Variants in IGBP1 observed in about 807,000 individuals in gnomAD.
IGBP1 encodes the protein immunoglobulin-binding protein 1.
IGBP1 carries 2 observed loss-of-function variants against 25.9 expected under a neutral mutation model. The observed-to-expected ratio is 0.08, with a 90% CI of 0.03 to 0.24. The LOEUF is 0.24. Ranked by LOEUF, IGBP1 falls within the 10% of genes least tolerant of loss-of-function variation. The pLI, the probability that IGBP1 is intolerant of heterozygous loss-of-function variation, is 1.00. For missense variants in IGBP1, 187 were observed against 260.4 expected (o/e 0.72, Z 1.94); for synonymous variants, 96 against 93.4 (o/e 1.03, Z -0.16).
chrX:70,166,128 A>G lies in IGBP1; in HGVS notation c.*147A>G. On this transcript the variant is annotated 3_prime_UTR_variant, in exon 7 of 7. Coordinates refer to ENST00000356413, the MANE Select transcript of IGBP1 (RefSeq NM_001551.3). ...TTGCTTTGCATTCAGTAAAGTGTCA[A>G]GTGATTAAGTGTGTATTTGTACCCT... 3 of 515,367 alleles carry G rather than the reference A, an allele frequency of 5.8e-6. No individual in the cohort carries two copies. The highest frequency in any genetic ancestry group is 9.8e-6 in the Non-Finnish European group (3 of 307,151). The allele number at this position is 515,367 out of a possible 1,213,427, so 42.5% of individuals were successfully genotyped here. A position where few individuals can be genotyped will look rare whatever the true frequency, so the allele number is the denominator to read the frequency against.
Position 70,134,082 on chromosome X carries a change from C to T in IGBP1, c.135C>T (p.Gly45=), listed in dbSNP as rs746824740. ...TAGTCCAGGAGAAGGTGTTCAAGGGCTTGGACCTCCTTGAGAAGGCTGCCG... is the reference window on the plus strand; with the variant it reads ...TAGTCCAGGAGAAGGTGTTCAAGGGTTTGGACCTCCTTGAGAAGGCTGCCG... ...SRIVQEKVFK[G]LDLLEKAAEM... The change falls in exon 2 of 7, where the codon GGC becomes GGT. Residue 45 remains glycine (G), a synonymous_variant. Coordinates refer to ENST00000356413, the MANE Select transcript of IGBP1 (RefSeq NM_001551.3). 3 of 1,211,484 alleles carry T rather than the reference C, an allele frequency of 2.5e-6. No homozygotes were observed. Among genetic ancestry groups the T allele is most frequent in the Non-Finnish European group, 3.4e-6 (3 of 895,048 alleles).
At chrX:70,140,530 G>A (rs2085123056) in intron 3 of IGBP1, among the ~76,000 whole-genome samples, 1 of 112,375 alleles carries the variant, frequency 8.9e-6, no homozygotes, top group Non-Finnish European at 1.9e-5. Flanking sequence ...ATAGCTATCA[G>A]AGATACTACT....
intron 3 of IGBP1, among the ~76,000 whole-genome samples, chrX:70,140,285 T>C (rs186128276): frequency 5.1e-4 from 57 of 111,819 alleles, no homozygotes; most frequent in African/African-American, 1.7e-3. Context: ...TGCTTATTAT[T>C]GACAAGCAGG....
At chrX:70,150,371 C>G (rs1398189931) in intron 6 of IGBP1, 49 bp downstream of exon 6, 1 of 788,290 alleles carries the variant, frequency 1.3e-6, no homozygotes, top group East Asian at 3.2e-5. Flanking sequence ...CTTTTACTCC[C>G]TGGCAATTAA....
intron 3 of IGBP1, among the ~76,000 whole-genome samples, chrX:70,137,198 A>G (rs1475087103): frequency 1.8e-5 from 2 of 111,263 alleles, no homozygotes. Flanking sequence ...CTGGTGATCA[A>G]TTGGTTGTGG....
chrX:70,148,174 T>A (rs755764223), intron 4 of IGBP1, among the ~76,000 whole-genome samples: 2 of 112,284 alleles, frequency 1.8e-5, no homozygotes, highest in East Asian at 5.6e-4. Flanking sequence ...TAGAACTAAG[T>A]GAGCACCTTT....
At position 70,133,876 on chromosome X, in the gene IGBP1, C is replaced by T; in HGVS notation, c.-72C>T. ...TGCTTCTTCCGGTTTTGTCCGCGCT[C>T]GCCTAATTCTTCTTTATCAAGGTTG... On this transcript the variant is annotated 5_prime_UTR_variant, in exon 2 of 7. Coordinates refer to ENST00000356413, the MANE Select transcript of IGBP1 (RefSeq NM_001551.3). 2.0e-6 allele frequency: 2 copies of T among 985,451 alleles called. No individual in the cohort carries two copies. The highest frequency in any genetic ancestry group is 2.8e-6 in the Non-Finnish European group (2 of 704,852). 81.2% of individuals were successfully genotyped at this position (985,451 alleles called of 1,213,427 possible). A position where few individuals can be genotyped will look rare whatever the true frequency, so the allele number is the denominator to read the frequency against.
chrX:70,155,449 C>G (rs1195701174), intron 6 of IGBP1, among the ~76,000 whole-genome samples: 2 of 99,295 alleles, frequency 2.0e-5, no homozygotes, highest in Non-Finnish European at 2.0e-5. Context: ...GAGCCGAGAC[C>G]ACACCACTGC....
intron 6 of IGBP1, chrX:70,164,094 C>T (rs935723558): frequency 5.4e-5 from 6 of 110,680 alleles, no homozygotes; most frequent in African/African-American, 2.0e-4. Flanking sequence ...CAAAAATTAG[C>T]TGAGTGTGGT....
intron 3 of IGBP1, among the ~76,000 whole-genome samples, chrX:70,144,785 G>T (rs758562417): frequency 2.0e-4 from 21 of 103,746 alleles, no homozygotes; most frequent in Non-Finnish European, 3.9e-4. Flanking sequence ...TCAGCCTCCT[G>T]AGTAGCTGGA....
At chrX:70,153,397 G>A (rs2085215497) in intron 6 of IGBP1, among the ~76,000 whole-genome samples, 1 of 111,904 alleles carries the variant, frequency 8.9e-6, no homozygotes, top group Non-Finnish European at 1.9e-5. Flanking sequence ...AATTATGTGG[G>A]TAAATACAAA....
rs762954223 is a variant in IGBP1, at chrX:70,154,714, C to CAAAAAAAAAAAAAAAAAAAA, written c.871+4395_871+4414dup. ...AGCAACATGGTAAGACCCCTCTCCA[C>CAAAAAAAAAAAAAAAAAAAA]AAAAAAAAAAAAAAAAAAAAAAGTT... is the stretch of plus-strand genomic sequence containing the variant. On this transcript the variant is annotated intron_variant, in intron 6 of 6. Coordinates refer to ENST00000356413, the MANE Select transcript of IGBP1 (RefSeq NM_001551.3). Among the ~76,000 whole-genome samples, 165 of 27,104 alleles carry CAAAAAAAAAAAAAAAAAAAA rather than the reference C, an allele frequency of 6.1e-3. 23 individuals are homozygous for CAAAAAAAAAAAAAAAAAAAA. The highest frequency in any genetic ancestry group is 0.029 in the African/African-American group (154 of 5,383). The allele number at this position is 27,104 out of a possible 115,157, so 23.5% of individuals were successfully genotyped here.
chrX:70,141,198 T>G (rs1450619793), intron 3 of IGBP1, among the ~76,000 whole-genome samples: 3 of 109,816 alleles, frequency 2.7e-5, no homozygotes, highest in South Asian at 7.9e-4. Flanking sequence ...ACAAAAAAAT[T>G]TAGCTGGGCC....
intron 6 of IGBP1, among the ~76,000 whole-genome samples, chrX:70,162,523 A>G (rs2085276124): frequency 8.9e-6 from 1 of 112,052 alleles, no homozygotes; most frequent in Admixed American, 9.5e-5. Flanking sequence ...ATATATTAGT[A>G]TTGGTTCATT....
intron 6 of IGBP1, among the ~76,000 whole-genome samples, chrX:70,152,874 G>A (rs1223339052): frequency 8.9e-6 from 1 of 111,773 alleles, no homozygotes; most frequent in African/African-American, 3.3e-5. Context: ...TCATGTATGC[G>A]CAATTGGAAT....
chrX:70,148,077 ATTTG>A (rs750920261), intron 4 of IGBP1, among the ~76,000 whole-genome samples: 2 of 110,865 alleles, frequency 1.8e-5, no homozygotes, highest in Admixed American at 1.9e-4. Context: ...TTTCTTGTTC[ATTTG>A]TTTGTTTGTT....
chrX:70,151,573 AAAAAAT>A (rs1298038029), intron 6 of IGBP1, among the ~76,000 whole-genome samples: 1 of 111,843 alleles, frequency 8.9e-6, no homozygotes, highest in Non-Finnish European at 1.9e-5. Flanking sequence ...ACAAAAAGAA[AAAAAAT>A]AAAAATAAAT....
At chrX:70,142,958 T>C (rs1461888856) in intron 3 of IGBP1, among the ~76,000 whole-genome samples, 1 of 99,627 alleles carries the variant, frequency 1.0e-5, no homozygotes, top group African/African-American at 3.7e-5. Flanking sequence ...AGTTTCACTC[T>C]TGTTGCCCAG....
intron 6 of IGBP1, among the ~76,000 whole-genome samples, 179 bp from the exon 7 acceptor site, chrX:70,165,654 A>C (rs2085293847): frequency 9.0e-6 from 1 of 110,737 alleles, no homozygotes; most frequent in African/African-American, 3.3e-5. Flanking sequence ...ATTTTTTAAC[A>C]TGCGATATAT....
Sources: allele counts gnomAD v4.1 joint callset (sites outside exome capture counted in the v4.1 genomes callset), GRCh38; gene constraint gnomAD v4.1.1; transcripts MANE v1.5; gene names NCBI Gene and HGNC (gene_info 2026-07-23, HGNC 2026-07-21).